ADARB1: variants seen among roughly 807,000 people sequenced by gnomAD.
ADARB1 encodes the protein adenosine deaminase RNA specific B1.
In ADARB1, 10 loss-of-function variants were observed where a neutral mutation model predicts 52.4. The observed-to-expected ratio is 0.19, with a 90% CI of 0.12 to 0.32. The LOEUF (loss-of-function observed/expected upper bound fraction) is 0.32. Among genes scored for constraint, ADARB1 ranks in the 10% least tolerant of loss-of-function variants. The pLI, the probability that ADARB1 is intolerant of heterozygous loss-of-function variation, is 1.00. For synonymous variants in ADARB1, 349 were observed against 371.1 expected, an observed-to-expected ratio of 0.94 and a Z score of 0.68; for missense variants, 643 against 922.3, an observed-to-expected ratio of 0.70 and a Z score of 3.92.
chr21:45,155,172 T>C (rs2090490096), intron 2 of ADARB1, among the ~76,000 whole-genome samples: 1 of 152,212 alleles, frequency 6.6e-6, no homozygotes, highest in African/African-American at 2.4e-5. Context: ...TGTGTTTTAG[T>C]CTGAGGCTGG....
At position 45,137,866 on chromosome 21, in the gene ADARB1, C is replaced by T. The variant is rs112124934; in HGVS notation, c.-48+9293C>T. The stretch of plus-strand genomic sequence containing the variant: ...GGAGATGGCATGGGAGGTGGGCACC[C>T]CAGGCAGGAGGGGCTCTGGATATGA... On this transcript the variant is annotated intron_variant, in intron 2 of 10. Coordinates refer to ENST00000348831, the MANE Select transcript of ADARB1 (RefSeq NM_001112.4). 1.1e-4 allele frequency among the ~76,000 whole-genome samples: 16 copies of T among 151,532 alleles called. 1 individual carries two copies. Among genetic ancestry groups the T allele is most frequent in the African/African-American group, 3.2e-4 (13 of 41,188 alleles).
At chr21:45,103,758 C>A (rs1370149054) in intron 1 of ADARB1, among the ~76,000 whole-genome samples, 1 of 152,058 alleles carries the variant, frequency 6.6e-6, no homozygotes, top group Non-Finnish European at 1.5e-5. Context: ...GTCTGTGGGG[C>A]CTTTCTGTCA....
At position 45,208,885 on chromosome 21, in the gene ADARB1, G is replaced by C. The variant is rs2092717015; in HGVS notation, c.1747+4149G>C. On this transcript the variant is annotated intron_variant, in intron 9 of 10. Coordinates refer to ENST00000348831, the MANE Select transcript of ADARB1 (RefSeq NM_001112.4). The surrounding 1 kb of genome is among the most constrained non-coding windows in gnomAD (Gnocchi z 5.6). ...TAGAAGAGAACGACCACCAAGCTTG[G>C]CTCCAAGTACAGAATCATTCTTTTC... Among the ~76,000 whole-genome samples, 1 of 152,036 alleles carries C rather than the reference G, an allele frequency of 6.6e-6. No individual in the cohort carries two copies. The highest frequency in any genetic ancestry group is 2.1e-4 in the South Asian group (1 of 4,824).
At chr21:45,078,530 C>T (rs767985233) in intron 1 of ADARB1, among the ~76,000 whole-genome samples, 2 of 152,142 alleles carry the variant, frequency 1.3e-5, no homozygotes, top group African/African-American at 2.4e-5. Context: ...GTGAGCTGGG[C>T]TGAGGTCACG....
At chr21:45,191,149 A>G (rs151046468) in intron 8 of ADARB1, among the ~76,000 whole-genome samples, 57 of 152,270 alleles carry the variant, frequency 3.7e-4, no homozygotes, top group Admixed American at 9.2e-4. Flanking sequence ...TCCAAACACC[A>G]TTGATTTTTT....
intron 1 of ADARB1, among the ~76,000 whole-genome samples, chr21:45,110,434 C>T (rs1481950462): frequency 6.6e-6 from 1 of 152,144 alleles, no homozygotes; most frequent in African/African-American, 2.4e-5. Context: ...ACTTGGGGAC[C>T]GCGTTGTCAA....
chr21:45,224,233 A>C lies in ADARB1; in HGVS notation c.*2036A>C. ...ACCAAGTTTAGTGTTAATATATTCC[A>C]TATACATACAAAACTACCCGGTATG... On this transcript the variant is annotated 3_prime_UTR_variant, in exon 11 of 11. Transcript: ENST00000348831. 1 of 985,448 alleles carries C rather than the reference A, an allele frequency of 1.0e-6. No homozygotes were observed. 61.0% of individuals were successfully genotyped at this position (985,448 alleles called of 1,614,324 possible).
At chr21:45,162,116 GAGA>G (rs540629539) in intron 2 of ADARB1, among the ~76,000 whole-genome samples, 293 of 152,316 alleles carry the variant, frequency 1.9e-3, no homozygotes, top group Middle Eastern at 6.8e-3. Flanking sequence ...GAGAGGAGGA[GAGA>G]AGGAGAGAAG....
intron 2 of ADARB1, among the ~76,000 whole-genome samples, chr21:45,138,401 G>A (rs911205373): frequency 2.6e-5 from 4 of 152,202 alleles, no homozygotes; most frequent in African/African-American, 9.7e-5. Flanking sequence ...GGAGGAGTTT[G>A]CTAGAGCTAG....
At chr21:45,206,440 C>G (rs1049799023) in intron 9 of ADARB1, among the ~76,000 whole-genome samples, 4 of 151,948 alleles carry the variant, frequency 2.6e-5, no homozygotes, top group African/African-American at 9.7e-5. Context: ...TATCATATTT[C>G]ACTTATGTGA....
intron 1 of ADARB1, among the ~76,000 whole-genome samples, chr21:45,106,579 G>A (rs2087268647): frequency 6.6e-6 from 1 of 152,128 alleles, no homozygotes; most frequent in Non-Finnish European, 1.5e-5. Flanking sequence ...GAGTGACTTG[G>A]GAACTTCCGA....
intron 2 of ADARB1, among the ~76,000 whole-genome samples, chr21:45,140,095 C>T (rs1052983784): frequency 1.3e-5 from 2 of 152,028 alleles, no homozygotes; most frequent in African/African-American, 2.4e-5. Context: ...AGGCGCCCGC[C>T]ACCATGCCCG....
intron 2 of ADARB1, among the ~76,000 whole-genome samples, chr21:45,138,951 C>T (rs541327693): frequency 9.7e-4 from 145 of 149,730 alleles, no homozygotes; most frequent in African/African-American, 3.2e-3. Flanking sequence ...GACAGAGTCT[C>T]GCTCTGTTGC....
chr21:45,198,194 C>T (rs1241741213), intron 8 of ADARB1, among the ~76,000 whole-genome samples: 1 of 152,058 alleles, frequency 6.6e-6, no homozygotes, highest in African/African-American at 2.4e-5. Flanking sequence ...AAAGATGTAG[C>T]AGTGAGCAGT....
In ADARB1 at chr21:45,221,582, C is replaced by T. The variant is rs1212025281; in HGVS notation, c.1927-436C>T. Among the ~76,000 whole-genome samples, 1 of 152,164 alleles carries T rather than the reference C, an allele frequency of 6.6e-6. No individual in the cohort carries two copies. The highest frequency in any genetic ancestry group is 2.4e-5 in the African/African-American group (1 of 41,432). ...AGAAGGGACAGTGCCCGGGAGGGTC[C>T]TGTTCACCAGGGGCAGCACCCAGGC... On this transcript the variant is annotated intron_variant, in intron 10 of 10. Transcript: ENST00000348831. The surrounding 1 kb of genome is among the most constrained non-coding windows in gnomAD (Gnocchi z 4.9).
intron 1 of ADARB1, among the ~76,000 whole-genome samples, chr21:45,126,661 T>A (rs1601468402): frequency 6.6e-6 from 1 of 152,212 alleles, no homozygotes; most frequent in East Asian, 1.9e-4. Context: ...CCTGGACCCC[T>A]CTTTCCTGGA....
intron 1 of ADARB1, among the ~76,000 whole-genome samples, chr21:45,077,564 G>GTCCCA (rs2085990719): frequency 6.6e-6 from 1 of 152,224 alleles, no homozygotes; most frequent in South Asian, 2.1e-4. Context: ...CTACTTGGGA[G>GTCCCA]GCTGAGGCAG....
intron 2 of ADARB1, chr21:45,137,021 A>G (rs2089425913): frequency 6.6e-6 from 1 of 152,234 alleles, no homozygotes; most frequent in African/African-American, 2.4e-5. Context: ...CAAAATACAC[A>G]CTGTTGGGTG....
intron 1 of ADARB1, among the ~76,000 whole-genome samples, chr21:45,098,898 A>G (rs2123720061): frequency 6.6e-6 from 1 of 152,318 alleles, no homozygotes; most frequent in South Asian, 2.1e-4. Flanking sequence ...ACCTGAGCTC[A>G]CTGCCTCTGC....
Sources: allele counts gnomAD v4.1 joint callset (sites outside exome capture counted in the v4.1 genomes callset), GRCh38; gene constraint gnomAD v4.1.1; non-coding constraint Gnocchi (gnomAD v3.1); transcripts MANE v1.5; gene names NCBI Gene and HGNC (gene_info 2026-07-23, HGNC 2026-07-21).